Variants in PCDH9 observed in about 807,000 individuals in gnomAD.
The protein encoded by PCDH9 is protocadherin 9.
A neutral mutation model predicts 70.6 loss-of-function variants in PCDH9; 24 were observed. The ratio of observed to expected loss-of-function variants is 0.34; its 90% CI spans 0.25 to 0.48. The LOEUF (loss-of-function observed/expected upper bound fraction) is 0.48, where lower values mean the gene tolerates loss of function less well. PCDH9 is among the 20% of genes least tolerant of loss of function. PCDH9 has a pLI of 0.99. For synonymous variants in PCDH9, 562 were observed against 558.5 expected (o/e 1.01, Z -0.09); for missense variants, 1,281 against 1,503.6 (o/e 0.85, Z 2.45).
chr13:66,749,087 G>A (rs187608128), intron 3 of PCDH9, among the ~76,000 whole-genome samples: 1 of 152,106 alleles, frequency 6.6e-6, no homozygotes, highest in Non-Finnish European at 1.5e-5. Context: ...AGTTTCCTGA[G>A]GCCTCCCCAG....
At chr13:66,338,346 T>G (rs959247549) in intron 4 of PCDH9, among the ~76,000 whole-genome samples, 3 of 152,020 alleles carry the variant, frequency 2.0e-5, no homozygotes, top group Non-Finnish European at 4.4e-5. Flanking sequence ...TAATTTAGCT[T>G]AGTATCCCTA....
chr13:66,786,058 C>A (rs1308669433), intron 3 of PCDH9, among the ~76,000 whole-genome samples: 1 of 152,024 alleles, frequency 6.6e-6, no homozygotes, highest in Non-Finnish European at 1.5e-5. Flanking sequence ...CTTTATGGAG[C>A]AAAATTTGAA....
intron 4 of PCDH9, among the ~76,000 whole-genome samples, chr13:66,460,058 G>C (rs892287850): frequency 4.0e-5 from 6 of 151,896 alleles, no homozygotes; most frequent in South Asian, 2.1e-4. Context: ...AAACTCAGTA[G>C]TGTCATTTTA....
intron 3 of PCDH9, among the ~76,000 whole-genome samples, chr13:66,884,977 A>G (rs2081983702): frequency 6.6e-6 from 1 of 152,192 alleles, no homozygotes; most frequent in Admixed American, 6.5e-5. Flanking sequence ...AATTCATATC[A>G]GCAATAAAAT....
intron 4 of PCDH9, among the ~76,000 whole-genome samples, chr13:66,408,309 G>C (rs1436422248): frequency 2.0e-5 from 3 of 152,154 alleles, no homozygotes; most frequent in Admixed American, 2.0e-4. Context: ...CTTTTGAAGG[G>C]CAGAGAAGCA....
At chr13:66,990,330 T>C (rs1326038267) in intron 2 of PCDH9, among the ~76,000 whole-genome samples, 1 of 151,760 alleles carries the variant, frequency 6.6e-6, no homozygotes, top group African/African-American at 2.4e-5. Flanking sequence ...TGACAGTACT[T>C]GTTAATACAG....
At chr13:67,151,427 G>A (rs1203293463) in intron 2 of PCDH9, among the ~76,000 whole-genome samples, 1 of 152,048 alleles carries the variant, frequency 6.6e-6, no homozygotes, top group Non-Finnish European at 1.5e-5. Context: ...GGTTGTGGGT[G>A]TCTGTGTCTG....
chr13:67,155,436 G>A (rs1012074686), intron 2 of PCDH9, among the ~76,000 whole-genome samples: 1 of 152,146 alleles, frequency 6.6e-6, no homozygotes, highest in African/African-American at 2.4e-5. Flanking sequence ...TGGAAAAGAG[G>A]TGTAGAAAAC....
chr13:66,406,948 C>A (rs935645360), intron 4 of PCDH9, among the ~76,000 whole-genome samples: 1 of 152,046 alleles, frequency 6.6e-6, no homozygotes, highest in African/African-American at 2.4e-5. Flanking sequence ...TTCTCTGATT[C>A]AGCAAAACCA....
At chr13:66,834,420 T>A (rs1048157964) in intron 3 of PCDH9, among the ~76,000 whole-genome samples, 5 of 152,048 alleles carry the variant, frequency 3.3e-5, no homozygotes, top group African/African-American at 1.2e-4. Flanking sequence ...TGGATTACAG[T>A]CATGAGCCAC....
At chr13:67,176,687 T>C (rs2088469250) in intron 2 of PCDH9, among the ~76,000 whole-genome samples, 1 of 152,026 alleles carries the variant, frequency 6.6e-6, no homozygotes, top group East Asian at 1.9e-4. Flanking sequence ...GAATACATTA[T>C]TTCCCCCCTC....
intron 2 of PCDH9, chr13:67,213,454 T>C (rs1189814016): frequency 6.6e-6 from 1 of 152,040 alleles, no homozygotes; most frequent in Non-Finnish European, 1.5e-5. Context: ...TTTAACATTT[T>C]GCCTGATTAG....
chr13:66,386,401 C>G (rs1161927390), intron 4 of PCDH9, among the ~76,000 whole-genome samples: 2 of 152,090 alleles, frequency 1.3e-5, no homozygotes, highest in Non-Finnish European at 1.5e-5. Flanking sequence ...GACTAACATG[C>G]AATGAACATG....
At chr13:66,778,455 C>A (rs2324989) in intron 3 of PCDH9, among the ~76,000 whole-genome samples, 147,915 of 152,244 alleles carry the variant, frequency 0.97, 71,999 homozygotes, top group East Asian at 1. Flanking sequence ...TTATTTGCGT[C>A]TCATTCCTCT....
intron 2 of PCDH9, among the ~76,000 whole-genome samples, chr13:66,973,053 A>C (rs1331229874): frequency 6.6e-6 from 1 of 151,908 alleles, no homozygotes; most frequent in East Asian, 1.9e-4. Flanking sequence ...ACCCTGTAAA[A>C]CATAACTGGA....
chr13:66,798,897 C>G (rs1269168197), intron 3 of PCDH9, among the ~76,000 whole-genome samples: 1 of 152,018 alleles, frequency 6.6e-6, no homozygotes. Context: ...CTAATTGCAA[C>G]ATTTGCCTCC....
chr13:67,153,025 A>G (rs563046858), intron 2 of PCDH9, among the ~76,000 whole-genome samples: 1 of 151,656 alleles, frequency 6.6e-6, no homozygotes, highest in Admixed American at 6.6e-5. Context: ...CTGGAAGTGC[A>G]CTCATTCTCA....
intron 2 of PCDH9, among the ~76,000 whole-genome samples, chr13:67,193,473 A>T (rs950298495): frequency 2.0e-5 from 3 of 152,110 alleles, no homozygotes; most frequent in Non-Finnish European, 2.9e-5. Context: ...TATATTTAAC[A>T]CAATAAAAAT....
At chr13:66,583,872 CATT>C (rs1205863213) in intron 4 of PCDH9, among the ~76,000 whole-genome samples, 2 of 152,102 alleles carry the variant, frequency 1.3e-5, no homozygotes, top group East Asian at 3.9e-4. Flanking sequence ...GAAATACTAT[CATT>C]ATCATTTTTT....
Sources: gnomAD v4.1 joint callset for allele counts (sites outside exome capture counted in the v4.1 genomes callset) on GRCh38, gnomAD v4.1.1 for gene constraint, MANE v1.5 for transcripts, NCBI Gene and HGNC (gene_info 2026-07-23, HGNC 2026-07-21) for gene names.